The following PMP2 variants were observed in gnomAD, a reference collection of about 807,000 sequenced individuals.
The protein encoded by PMP2 is myelin P2 protein.
Under a neutral mutation model 15.9 loss-of-function variants are expected in PMP2, and 11 were observed. The observed-to-expected ratio is 0.69, with a 90% CI of 0.44 to 1.14. PMP2 has a LOEUF of 1.14. PMP2 is among the 50% of genes most tolerant of loss of function. The probability of loss-of-function intolerance (pLI) is 0.00; values close to 1 mark genes in which losing one functional copy is unlikely to be tolerated. For synonymous variants in PMP2, 55 were observed against 54.1 expected, an observed-to-expected ratio of 1.02 and a Z score of -0.07; for missense variants, 151 against 154.0, an observed-to-expected ratio of 0.98 and a Z score of 0.10.
chr8:81,441,560 ATCTATATATC>A lies in PMP2; in HGVS notation c.*1828_*1837del. 6.7e-6 allele frequency: 1 copy of A among 149,056 alleles called. No individual in the cohort carries two copies. Among genetic ancestry groups the A allele is most frequent in the Non-Finnish European group, 1.5e-5 (1 of 67,768 alleles). The allele number at this position is 149,056 out of a possible 1,614,324, so 9.2% of individuals were successfully genotyped here. A position where few individuals can be genotyped will look rare whatever the true frequency, so the allele number is the denominator to read the frequency against. On this transcript the variant is annotated 3_prime_UTR_variant, in exon 4 of 4. Transcript: ENST00000256103. ...TATCTATCTATCTATCTATCTATCT[ATCTATATATC>A]TATCTATCATCTGTCAGTCATCTAC... is the stretch of plus-strand genomic sequence containing the variant.
chr8:81,444,657 A>T, intron 2 of PMP2, 56 bp from the exon 3 acceptor site: 2 of 1,467,930 alleles, frequency 1.4e-6, no homozygotes, highest in Non-Finnish European at 1.9e-6. Flanking sequence ...TCAAAGAAGC[A>T]GTTCTTTCAG....
Position 81,447,414 on chromosome 8 carries a change from C to G in PMP2, c.-28G>C, listed in dbSNP as rs761616599. 23 of 1,582,496 alleles carry G rather than the reference C, an allele frequency of 1.5e-5. No homozygotes were observed. The highest frequency in any genetic ancestry group is 1.7e-5 in the Non-Finnish European group (20 of 1,151,290). On this transcript the variant is annotated 5_prime_UTR_variant, in exon 1 of 4. Transcript: ENST00000256103. ...TGATGGGTGAGAGCTCAACACAGTT[C>G]TAAGTGGGATTCAGAAGACTCAGAT...
In PMP2 at chr8:81,446,861, T is replaced by C. The variant is rs564238965; in HGVS notation, c.73+453A>G. ...TGTGTAATAAAGGACAACCTAGAGG[T>C]AGAGAGAAAAAACTGTTAGTTTAGC... On this transcript the variant is annotated intron_variant, in intron 1 of 3. Coordinates refer to ENST00000256103, the MANE Select transcript of PMP2 (RefSeq NM_002677.5). Among the ~76,000 whole-genome samples the C allele has an allele frequency of 2.0e-5, 3 of 152,282 alleles. No individual in the cohort carries two copies. In the South Asian group the frequency reaches 6.2e-4, roughly 32 times the overall value.
At chr8:81,447,031 G>A (rs528944316) in intron 1 of PMP2, among the ~76,000 whole-genome samples, 6 of 152,242 alleles carry the variant, frequency 3.9e-5, no homozygotes, top group South Asian at 2.1e-4. Flanking sequence ...TCTCTCCTCT[G>A]GACCTGCAAC....
intron 3 of PMP2, among the ~76,000 whole-genome samples, chr8:81,443,741 C>T (rs1054054718): frequency 6.6e-6 from 1 of 152,104 alleles, no homozygotes; most frequent in East Asian, 1.9e-4. Flanking sequence ...TACATATTTG[C>T]GTTACCTGGG....
intron 3 of PMP2, among the ~76,000 whole-genome samples, chr8:81,444,040 C>T (rs921653244): frequency 8.6e-5 from 13 of 151,906 alleles, no homozygotes; most frequent in Non-Finnish European, 1.8e-4. Context: ...TAGAAGTCTC[C>T]AATGAGCTCA....
At position 81,440,738 on chromosome 8, in the gene PMP2, T is replaced by A. The variant is rs548708940; in HGVS notation, c.*2660A>T. 1 of 152,242 alleles carries A rather than the reference T, an allele frequency of 6.6e-6. No individual in the cohort carries two copies. The highest frequency in any genetic ancestry group is 2.4e-5 in the African/African-American group (1 of 41,464). The allele number at this position is 152,242 out of a possible 1,614,324, so 9.4% of individuals were successfully genotyped here. On this transcript the variant is annotated 3_prime_UTR_variant, in exon 4 of 4. Transcript: ENST00000256103. ...GTTAAATGTTACCTTATTTGCCTTATCAATTGCTCTCTTTATGTATGTTTG... is the reference window on the plus strand; with the variant it reads ...GTTAAATGTTACCTTATTTGCCTTAACAATTGCTCTCTTTATGTATGTTTG...
chr8:81,442,856 C>CTTAACTGTCTATAAAT lies in PMP2; in HGVS notation c.*526_*541dup, dbSNP rs1394149777. On this transcript the variant is annotated 3_prime_UTR_variant, in exon 4 of 4. Transcript: ENST00000256103. ...TCTGTCTATAAATTATCCATTTTTA[C>CTTAACTGTCTATAAAT]TTAACTGTCTATAAATTTAACTGTC... 1.3e-5 allele frequency: 2 copies of CTTAACTGTCTATAAAT among 152,064 alleles called. No individual in the cohort carries two copies. Among genetic ancestry groups the CTTAACTGTCTATAAAT allele is most frequent in the African/African-American group, 4.8e-5 (2 of 41,426 alleles). 9.4% of individuals were successfully genotyped at this position (152,064 alleles called of 1,614,324 possible).
chr8:81,446,520 G>T (rs1157049990), intron 1 of PMP2, among the ~76,000 whole-genome samples: 1 of 152,220 alleles, frequency 6.6e-6, no homozygotes, highest in East Asian at 1.9e-4. Flanking sequence ...GACAAGCACA[G>T]CAAACTCGGG....
chr8:81,446,373 C>T (rs1807450580), intron 1 of PMP2, among the ~76,000 whole-genome samples: 2 of 152,096 alleles, frequency 1.3e-5, no homozygotes, highest in Admixed American at 6.6e-5. Flanking sequence ...TAAATCTAAC[C>T]GATCTCACAG....
rs994089456 is a variant in PMP2, at chr8:81,447,265, C to T, written c.73+49G>A. On this transcript the variant is annotated intron_variant, in intron 1 of 3. Transcript: ENST00000256103. ...AGTAGTAGATGAAAATGTCATGTAG[C>T]TTTCTTAAAAAGGAGCTTTTCAGCA... The T allele has an allele frequency of 8.5e-6, 12 of 1,414,178 alleles. No individual in the cohort carries two copies. In the African/African-American group the frequency reaches 1.4e-4, roughly 17 times the overall value. The allele number at this position is 1,414,178 out of a possible 1,614,324, so 87.6% of individuals were successfully genotyped here.
intron 3 of PMP2, among the ~76,000 whole-genome samples, chr8:81,443,679 G>A (rs916434439): frequency 1.3e-5 from 2 of 152,100 alleles, no homozygotes; most frequent in African/African-American, 4.8e-5. Context: ...AAGTTTTTAT[G>A]TATAGTTCAC....
At chr8:81,447,276 A>G (rs773420373) in intron 1 of PMP2, 38 bp downstream of exon 1, 4 of 1,506,236 alleles carry the variant, frequency 2.7e-6, no homozygotes, top group Non-Finnish European at 3.7e-6. Context: ...TTTCTTAAAA[A>G]GGAGCTTTTC....
chr8:81,447,201 G>T, intron 1 of PMP2, 113 bp downstream of exon 1: 1 of 739,402 alleles, frequency 1.4e-6, no homozygotes. Flanking sequence ...AAAGAGGATT[G>T]TACTGCAGCC....
chr8:81,443,568 C>A (rs776653046), intron 3 of PMP2, 120 bp from the exon 4 acceptor site: 66 of 576,698 alleles, frequency 1.1e-4, no homozygotes, highest in Non-Finnish European at 1.3e-4. Flanking sequence ...AATAAAATAT[C>A]AGTATGTCAG....
intron 1 of PMP2, among the ~76,000 whole-genome samples, chr8:81,445,313 C>T (rs1807430122): frequency 6.6e-6 from 1 of 152,134 alleles, no homozygotes. Context: ...CAAGCTCCGC[C>T]TCCCAGGTTC....
intron 3 of PMP2, 94 bp from the exon 4 acceptor site, chr8:81,443,542 G>T: frequency 1.4e-6 from 1 of 723,494 alleles, no homozygotes; most frequent in Non-Finnish European, 2.3e-6. Flanking sequence ...AAACTCATAA[G>T]ATTAATTTAG....
In PMP2 at chr8:81,442,089, C is replaced by T. The variant is rs1326427410; in HGVS notation, c.*1309G>A. ...ATATATGCATGGAGGCATGTGTATGCAATTATAATACATATAAACGTACAT... is the reference window on the plus strand; with the variant it reads ...ATATATGCATGGAGGCATGTGTATGTAATTATAATACATATAAACGTACAT... On this transcript the variant is annotated 3_prime_UTR_variant, in exon 4 of 4. Coordinates refer to ENST00000256103, the MANE Select transcript of PMP2 (RefSeq NM_002677.5). The T allele has an allele frequency of 6.6e-6, 1 of 152,070 alleles. No individual in the cohort carries two copies. Among genetic ancestry groups the T allele is most frequent in the Non-Finnish European group, 1.5e-5 (1 of 67,968 alleles). The allele number at this position is 152,070 out of a possible 1,614,324, so 9.4% of individuals were successfully genotyped here. A position where few individuals can be genotyped will look rare whatever the true frequency, so the allele number is the denominator to read the frequency against.
At position 81,447,397 on chromosome 8, in the gene PMP2, G is replaced by T. The variant is rs1350608584; in HGVS notation, c.-11C>A. 5 of 1,608,794 alleles carry T rather than the reference G, an allele frequency of 3.1e-6. No individual in the cohort carries two copies. Among genetic ancestry groups the T allele is most frequent in the Admixed American group, 1.7e-5 (1 of 60,010 alleles). On this transcript the variant is annotated 5_prime_UTR_variant, in exon 1 of 4. Transcript: ENST00000256103. ...GAATTTGTTGCTCATCGTGATGGGT[G>T]AGAGCTCAACACAGTTCTAAGTGGG...
Sources: gnomAD v4.1 joint callset for allele counts (sites outside exome capture counted in the v4.1 genomes callset) on GRCh38, gnomAD v4.1.1 for gene constraint, MANE v1.5 for transcripts, NCBI Gene and HGNC (gene_info 2026-07-23, HGNC 2026-07-21) for gene names.